TSFM: variants seen among roughly 807,000 people sequenced by gnomAD.
TSFM encodes the protein Ts translation elongation factor, mitochondrial.
Under a neutral mutation model 33.4 loss-of-function variants are expected in TSFM, and 29 were observed. That is an observed-to-expected ratio of 0.87 (90% CI 0.65 to 1.18). TSFM has a LOEUF of 1.18. TSFM is among the 50% of genes most tolerant of loss of function. TSFM has a pLI of 0.00. For missense variants in TSFM, 394 were observed against 395.6 expected, an observed-to-expected ratio of 1.00 and a Z score of 0.04; for synonymous variants, 178 against 163.5, an observed-to-expected ratio of 1.09 and a Z score of -0.68.
chr12:57,786,960 T>G (rs1230327801), intron 3 of TSFM, 80 bp from the exon 4 acceptor site: 2 of 1,472,142 alleles, frequency 1.4e-6, no homozygotes, highest in African/African-American at 2.8e-5. Flanking sequence ...ATCAGTATCT[T>G]GATTTATTCT....
chr12:57,785,652 A>G (rs1021070464), intron 2 of TSFM, among the ~76,000 whole-genome samples: 1 of 152,224 alleles, frequency 6.6e-6, no homozygotes, highest in Non-Finnish European at 1.5e-5. Context: ...TAGTAAATAC[A>G]TAAGCCAGTA....
rs578215940 is a variant in TSFM, at chr12:57,786,815, A to G, written c.361-225A>G. On this transcript the variant is annotated intron_variant, in intron 3 of 5. Coordinates refer to ENST00000652027, the MANE Select transcript of TSFM (RefSeq NM_005726.6). ...GAGTCCTTCAGGACATTATTGAACCATCTTCTGAATATACAGGCTATTGCT... is the reference window on the plus strand; with the variant it reads ...GAGTCCTTCAGGACATTATTGAACCGTCTTCTGAATATACAGGCTATTGCT... Among the ~76,000 whole-genome samples the G allele has an allele frequency of 2.4e-4, 37 of 152,366 alleles. 1 individual carries two copies. The highest frequency in any genetic ancestry group is 3.2e-4 in the Non-Finnish European group (22 of 68,036).
chr12:57,797,006 T>A lies in TSFM; in HGVS notation c.*423T>A. On this transcript the variant is annotated 3_prime_UTR_variant, in exon 6 of 6. Transcript: ENST00000652027. ...TATTACTTGTGCCACATGGATTTCTTTAGGATTATTGATTCAAACCTAGAG... is the reference window on the plus strand; with the variant it reads ...TATTACTTGTGCCACATGGATTTCTATAGGATTATTGATTCAAACCTAGAG... 2 of 986,140 alleles carry A rather than the reference T, an allele frequency of 2.0e-6. No homozygotes were observed. The highest frequency in any genetic ancestry group is 2.4e-6 in the Non-Finnish European group (2 of 830,440). 61.1% of individuals were successfully genotyped at this position (986,140 alleles called of 1,614,324 possible).
chr12:57,797,765 A>G (rs989266249), downstream of TSFM: 1 of 861,060 alleles, frequency 1.2e-6, no homozygotes. Flanking sequence ...TGCAGACTCT[A>G]TTATATCTAA....
downstream of TSFM, among the ~76,000 whole-genome samples, chr12:57,801,748 GAAAA>G (rs1178752883): frequency 6.8e-6 from 1 of 147,170 alleles, no homozygotes; most frequent in Non-Finnish European, 1.5e-5. Flanking sequence ...CTCAAAAAAA[GAAAA>G]AAAAAAGTTG....
chr12:57,784,916 C>CCTT (rs1955569855), intron 2 of TSFM, among the ~76,000 whole-genome samples: 2 of 79,142 alleles, frequency 2.5e-5, no homozygotes, highest in African/African-American at 9.4e-5. Context: ...ATTGAAATAT[C>CCTT]TTTTTTTTTT....
chr12:57,782,929 C>G (rs904750086), intron 1 of TSFM, 71 bp downstream of exon 1: 1 of 1,512,276 alleles, frequency 6.6e-7, no homozygotes, highest in African/African-American at 1.4e-5. Context: ...CCTTTCCCTT[C>G]CTCCCAACCT....
chr12:57,794,419 G>A (rs1438707897), intron 5 of TSFM, among the ~76,000 whole-genome samples: 3 of 152,190 alleles, frequency 2.0e-5, no homozygotes, highest in Non-Finnish European at 4.4e-5. Flanking sequence ...AGAGAAAGGG[G>A]AAAAATAAGT....
chr12:57,784,003 TG>T lies in TSFM; in HGVS notation c.231+722del, dbSNP rs981696994. ...TAATAGGAAGATACATTCTGAGAAATGGCGTCGTTAGGAGATTTTGGCTTAT... is the reference window on the plus strand; with the variant it reads ...TAATAGGAAGATACATTCTGAGAAATGCGTCGTTAGGAGATTTTGGCTTAT... On this transcript the variant is annotated intron_variant, in intron 2 of 5. Coordinates refer to ENST00000652027, the MANE Select transcript of TSFM (RefSeq NM_005726.6). 8 of 702,880 alleles carry T rather than the reference TG, an allele frequency of 1.1e-5. No individual in the cohort carries two copies. In the African/African-American group the frequency reaches 1.4e-4, roughly 12 times the overall value. The allele number at this position is 702,880 out of a possible 1,614,324, so 43.5% of individuals were successfully genotyped here. A position where few individuals can be genotyped will look rare whatever the true frequency, so the allele number is the denominator to read the frequency against.
chr12:57,788,395 G>C (rs1419691731), intron 4 of TSFM, among the ~76,000 whole-genome samples: 1 of 151,766 alleles, frequency 6.6e-6, no homozygotes, highest in African/African-American at 2.4e-5. Context: ...TTCTGCATCA[G>C]ACTCCCGAGT....
chr12:57,784,398 G>A (rs924506418), intron 2 of TSFM, among the ~76,000 whole-genome samples: 7 of 152,132 alleles, frequency 4.6e-5, no homozygotes, highest in African/African-American at 1.7e-4. Context: ...ACATTTATAA[G>A]AAATTTTTTT....
downstream of TSFM, chr12:57,802,468 T>C (rs1380154396): frequency 1.7e-5 from 21 of 1,200,780 alleles, no homozygotes; most frequent in Non-Finnish European, 2.3e-5. Context: ...CTCAGAAAAC[T>C]TTCTCAGCCT....
downstream of TSFM, chr12:57,802,090 C>T: frequency 1.3e-6 from 2 of 1,533,174 alleles, no homozygotes; most frequent in Admixed American, 1.7e-5. Flanking sequence ...CAGTACTCCA[C>T]CTTCCTGCCC....
chr12:57,783,918 CTT>C, intron 2 of TSFM: 1 of 702,474 alleles, frequency 1.4e-6, no homozygotes. Flanking sequence ...GCCCGGCTGA[CTT>C]TAGACATCTT....
intron 4 of TSFM, among the ~76,000 whole-genome samples, chr12:57,787,910 C>T (rs1027161480): frequency 4.6e-5 from 7 of 151,164 alleles, no homozygotes; most frequent in African/African-American, 9.7e-5. Context: ...AGCAAAACTC[C>T]GTCTCAGAAA....
intron 2 of TSFM, chr12:57,784,198 A>G (rs540482430): frequency 1.7e-5 from 12 of 696,014 alleles, no homozygotes; most frequent in East Asian, 2.7e-5. Context: ...AAACATAGAA[A>G]AAGTACAGTA....
chr12:57,784,243 A>T, intron 2 of TSFM: 2 of 656,298 alleles, frequency 3.0e-6, no homozygotes, highest in East Asian at 2.7e-5. Flanking sequence ...ATACATCTCC[A>T]TAGGGAACTT....
intron 4 of TSFM, among the ~76,000 whole-genome samples, chr12:57,788,264 AC>A (rs1191255813): frequency 7.4e-6 from 1 of 135,278 alleles, no homozygotes; most frequent in Non-Finnish European, 1.6e-5. Context: ...ACACCAGTGT[AC>A]CCTTTTTTTT....
chr12:57,799,798 C>CT (rs1046816665), downstream of TSFM: 2 of 1,613,842 alleles, frequency 1.2e-6, no homozygotes, highest in African/African-American at 2.7e-5. Context: ...CACTCACCTC[C>CT]TTTTTGGCAG....
Sources: gnomAD v4.1 joint callset for allele counts (sites outside exome capture counted in the v4.1 genomes callset) on GRCh38, gnomAD v4.1.1 for gene constraint, MANE v1.5 for transcripts, NCBI Gene and HGNC (gene_info 2026-07-23, HGNC 2026-07-21) for gene names.